Variants in PLXNA4 observed in about 807,000 individuals in gnomAD.
PLXNA4 encodes plexin A4, also known as plexin-A4.
Under a neutral mutation model 191.8 loss-of-function variants are expected in PLXNA4, and 44 were observed. That is an observed-to-expected ratio of 0.23 (90% CI 0.18 to 0.29). The LOEUF is 0.29. PLXNA4 is among the 10% of genes least tolerant of loss of function. PLXNA4 has a pLI of 1.00. For synonymous variants in PLXNA4, 1,082 were observed against 1,009.5 expected (o/e 1.07, Z -1.36); for missense variants, 1,800 against 2,488.8 (o/e 0.72, Z 5.89).
At chr7:132,376,594 C>T (rs959095177) in intron 3 of PLXNA4, among the ~76,000 whole-genome samples, 2 of 152,186 alleles carry the variant, frequency 1.3e-5, no homozygotes, top group African/African-American at 4.8e-5. Flanking sequence ...AAGCGATTTG[C>T]TCAGCAATAA....
intron 29 of PLXNA4, among the ~76,000 whole-genome samples, chr7:132,143,012 A>G (rs535172929): frequency 2.9e-4 from 43 of 149,810 alleles, no homozygotes; most frequent in Middle Eastern, 3.4e-3. Flanking sequence ...TATTAACATT[A>G]GTGGTGGCAC....
intron 1 of PLXNA4, among the ~76,000 whole-genome samples, chr7:132,537,497 T>C (rs1019020478): frequency 1.3e-5 from 2 of 152,204 alleles, no homozygotes; most frequent in Non-Finnish European, 2.9e-5. Context: ...AGCACCCAAG[T>C]TCCTATTTCA....
chr7:132,648,028 C>T, intron 1 of PLXNA4, among the ~76,000 whole-genome samples: 1 of 151,996 alleles, frequency 6.6e-6, no homozygotes, highest in East Asian at 1.9e-4. Context: ...TATACTCACA[C>T]ACACACAGTC....
At chr7:132,486,876 T>G (rs1157590360) in intron 3 of PLXNA4, among the ~76,000 whole-genome samples, 1 of 152,184 alleles carries the variant, frequency 6.6e-6, no homozygotes, top group Non-Finnish European at 1.5e-5. Context: ...GGGTTGTCTC[T>G]GAGCGCCTTG....
chr7:132,644,902 AC>A (rs1803836972), intron 2 of PLXNA4, among the ~76,000 whole-genome samples: 3 of 152,136 alleles, frequency 2.0e-5, no homozygotes, highest in African/African-American at 7.2e-5. Context: ...CCAACTGCCA[AC>A]CCTGTGTGCC....
intron 9 of PLXNA4, among the ~76,000 whole-genome samples, chr7:132,217,657 G>A (rs1052939747): frequency 1.8e-4 from 27 of 152,044 alleles, no homozygotes; most frequent in African/African-American, 6.0e-4. Context: ...AAAATGTAAC[G>A]CATCATATAT....
chr7:132,577,320 C>G (rs1407465787), upstream of PLXNA4: 1 of 152,282 alleles, frequency 6.6e-6, no homozygotes, highest in Admixed American at 6.6e-5. Context: ...TGCATTGAAG[C>G]CCGGCCAAGC....
intron 17 of PLXNA4, 144 bp downstream of exon 17, chr7:132,181,953 T>C (rs1796721384): frequency 3.0e-6 from 4 of 1,349,876 alleles, no homozygotes; most frequent in African/African-American, 2.9e-5. Flanking sequence ...CCTATTCCAC[T>C]ATCCTAGTAT....
At chr7:132,134,123 C>T (rs546760590) in intron 30 of PLXNA4, among the ~76,000 whole-genome samples, 2 of 152,270 alleles carry the variant, frequency 1.3e-5, no homozygotes, top group African/African-American at 4.8e-5. Context: ...AAGCAAGGCA[C>T]CTAGGCACCA....
intron 1 of PLXNA4, among the ~76,000 whole-genome samples, chr7:132,509,913 C>G (rs374721310): frequency 3.9e-5 from 6 of 152,336 alleles, no homozygotes; most frequent in African/African-American, 1.4e-4. Flanking sequence ...TTTAACAAGG[C>G]AGATCTTGGC....
Position 132,567,213 on chromosome 7 carries a change from T to C in PLXNA4, c.-87+9209A>G, listed in dbSNP as rs992411836. Among the ~76,000 whole-genome samples the C allele has an allele frequency of 2.0e-5, 3 of 152,178 alleles. No homozygotes were observed. The South Asian group carries it at 6.2e-4, about 32-fold the overall frequency. ...CAAAAGAGAGGATGCTTGCAAAACT[T>C]ACTTGGTCACAGAATGCTCTTTCCA... is the stretch of plus-strand genomic sequence containing the variant. On this transcript the variant is annotated intron_variant, in intron 1 of 31. Coordinates refer to ENST00000321063, the MANE Select transcript of PLXNA4 (RefSeq NM_020911.2).
intron 3 of PLXNA4, among the ~76,000 whole-genome samples, chr7:132,351,215 A>G (rs1478336393): frequency 6.6e-6 from 1 of 152,210 alleles, no homozygotes; most frequent in Non-Finnish European, 1.5e-5. Flanking sequence ...GATTGTGGTG[A>G]TGGTTGTGCA....
chr7:132,138,969 A>C (rs1307978539), intron 30 of PLXNA4, among the ~76,000 whole-genome samples: 1 of 152,210 alleles, frequency 6.6e-6, no homozygotes, highest in Non-Finnish European at 1.5e-5. Context: ...CCAACAGCCC[A>C]GCTGCTGCCT....
At position 132,424,070 on chromosome 7, in the gene PLXNA4, C is replaced by T. The variant is rs113501546; in HGVS notation, c.1371+65222G>A. Among the ~76,000 whole-genome samples the T allele has an allele frequency of 9.3e-3, 1,410 of 152,262 alleles. 20 individuals are homozygous for T. Among genetic ancestry groups the T allele is most frequent in the African/African-American group, 0.032 (1,350 of 41,560 alleles). ...CACCTGAGGCCCTTGATTCTAGCCCCACTTTAGCTTTCCCACAGAGAAGGC... is the reference window on the plus strand; with the variant it reads ...CACCTGAGGCCCTTGATTCTAGCCCTACTTTAGCTTTCCCACAGAGAAGGC... On this transcript the variant is annotated intron_variant, in intron 3 of 31. Coordinates refer to ENST00000321063, the MANE Select transcript of PLXNA4 (RefSeq NM_020911.2).
rs150618227 is a variant in PLXNA4, at chr7:132,358,580, A to G, written c.1372-60358T>C. On this transcript the variant is annotated intron_variant, in intron 3 of 31. Coordinates refer to ENST00000321063, the MANE Select transcript of PLXNA4 (RefSeq NM_020911.2). ...TATGGCCGTTTAGAGGTTCCAGGCC[A>G]TTATTTACTCACAGTTAATTCCTTA... 2.3e-3 allele frequency among the ~76,000 whole-genome samples: 356 copies of G among 152,348 alleles called. 2 individuals carry two copies. Among genetic ancestry groups the G allele is most frequent in the African/African-American group, 8.4e-3 (349 of 41,582 alleles).
intron 26 of PLXNA4, 146 bp from the exon 27 acceptor site, chr7:132,148,145 G>A: frequency 8.0e-7 from 1 of 1,248,788 alleles, no homozygotes; most frequent in South Asian, 1.4e-5. Context: ...AGCTTTCCTT[G>A]GAGCAGAACA....
intron 2 of PLXNA4, among the ~76,000 whole-genome samples, chr7:132,494,709 C>A (rs1458011287): frequency 6.6e-6 from 1 of 152,220 alleles, no homozygotes; most frequent in Non-Finnish European, 1.5e-5. Flanking sequence ...TCGCCACATA[C>A]AAATGACAGA....
intron 15 of PLXNA4, among the ~76,000 whole-genome samples, chr7:132,185,949 A>G (rs1364659979): frequency 6.6e-6 from 1 of 152,200 alleles, no homozygotes; most frequent in Non-Finnish European, 1.5e-5. Context: ...TCCCTGATGC[A>G]GTAGTCTTGA....
At chr7:132,288,497 C>T (rs1490295895) in intron 4 of PLXNA4, among the ~76,000 whole-genome samples, 2 of 152,192 alleles carry the variant, frequency 1.3e-5, no homozygotes, top group Non-Finnish European at 2.9e-5. Context: ...ATTGAGACAG[C>T]TTTTCTGTTT....
Sources: gnomAD v4.1 joint callset for allele counts (sites outside exome capture counted in the v4.1 genomes callset) on GRCh38, gnomAD v4.1.1 for gene constraint, MANE v1.5 for transcripts, NCBI Gene and HGNC (gene_info 2026-07-23, HGNC 2026-07-21) for gene names.